ZNF804B: variants seen among roughly 807,000 people sequenced by gnomAD.
ZNF804B encodes the protein zinc finger 804B.
A neutral mutation model predicts 101.4 loss-of-function variants in ZNF804B; 80 were observed. The observed-to-expected ratio is 0.79, with a 90% confidence interval of 0.66 to 0.95. The LOEUF (loss-of-function observed/expected upper bound fraction) is 0.95. ZNF804B is among the 40% of genes least tolerant of loss of function. ZNF804B has a pLI of 0.00. For missense variants in ZNF804B, 1,673 were observed against 1,561.9 expected (o/e 1.07, Z -1.20); for synonymous variants, 622 against 558.8 (o/e 1.11, Z -1.59).
chr7:89,079,155 T>C (rs1001889903), intron 1 of ZNF804B, among the ~76,000 whole-genome samples: 4 of 152,172 alleles, frequency 2.6e-5, no homozygotes, highest in East Asian at 1.9e-4. Context: ...CCACAAAATA[T>C]AGAGGCACCA....
At chr7:89,021,551 C>G (rs1487942764) in intron 1 of ZNF804B, among the ~76,000 whole-genome samples, 1 of 152,168 alleles carries the variant, frequency 6.6e-6, no homozygotes, top group African/African-American at 2.4e-5. Flanking sequence ...GTTTGTCACA[C>G]TCTGGGCACA....
At chr7:88,881,994 A>G (rs1011207358) in intron 1 of ZNF804B, among the ~76,000 whole-genome samples, 1 of 152,178 alleles carries the variant, frequency 6.6e-6, no homozygotes, top group South Asian at 2.1e-4. Flanking sequence ...GCTAATATAG[A>G]CACTATTATT....
chr7:88,843,780 A>G (rs1019121166), intron 1 of ZNF804B, among the ~76,000 whole-genome samples: 1 of 151,984 alleles, frequency 6.6e-6, no homozygotes, highest in Non-Finnish European at 1.5e-5. Flanking sequence ...AATGAAGACA[A>G]TGTCAAACTT....
chr7:88,948,239 C>T (rs1793167253), intron 1 of ZNF804B, among the ~76,000 whole-genome samples: 1 of 150,942 alleles, frequency 6.6e-6, no homozygotes, highest in South Asian at 2.1e-4. Context: ...TCCTAAAAAA[C>T]CCTAGTTGTT....
chr7:89,087,601 T>A (rs1463286479), intron 1 of ZNF804B, among the ~76,000 whole-genome samples: 1 of 152,008 alleles, frequency 6.6e-6, no homozygotes, highest in African/African-American at 2.4e-5. Flanking sequence ...CAGAAAATCA[T>A]ATATTTGATT....
intron 1 of ZNF804B, among the ~76,000 whole-genome samples, chr7:88,838,672 C>G (rs965346399): frequency 5.3e-5 from 8 of 151,954 alleles, no homozygotes; most frequent in Admixed American, 5.3e-4. Flanking sequence ...GGGGCTCAGA[C>G]TTTCTTGATT....
Position 88,879,682 on chromosome 7 carries a change from G to A in ZNF804B, c.108+119598G>A, listed in dbSNP as rs1254769672. ...AGAGGTTTAAAAATCTTTCTGGACC[G>A]CACCCTGTGGAAATTCAATTTTTAA... On this transcript the variant is annotated intron_variant, in intron 1 of 3. Coordinates refer to ENST00000333190, the MANE Select transcript of ZNF804B (RefSeq NM_181646.5). Among the ~76,000 whole-genome samples the A allele has an allele frequency of 3.9e-5, 6 of 152,082 alleles. No individual in the cohort carries two copies. In the East Asian group the frequency reaches 9.7e-4, roughly 24 times the overall value.
At chr7:88,797,075 T>G (rs1790497597) in intron 1 of ZNF804B, among the ~76,000 whole-genome samples, 2 of 152,162 alleles carry the variant, frequency 1.3e-5, no homozygotes, top group African/African-American at 4.8e-5. Flanking sequence ...ATTATTTTCC[T>G]TATTAAACAT....
chr7:88,798,867 G>A lies in ZNF804B; in HGVS notation c.108+38783G>A, dbSNP rs117893114. On this transcript the variant is annotated intron_variant, in intron 1 of 3. Coordinates refer to ENST00000333190, the MANE Select transcript of ZNF804B (RefSeq NM_181646.5). ...GGCAAGTTATTTACCTTCAGATGGT[G>A]ACTCAAGAGAACTCTTCTATCTGTC... 6.7e-3 allele frequency among the ~76,000 whole-genome samples: 1,027 copies of A among 152,182 alleles called. 9 individuals carry two copies. Among genetic ancestry groups the A allele is most frequent in the Non-Finnish European group, 0.011 (769 of 67,968 alleles).
chr7:89,237,407 G>A (rs891094493), intron 2 of ZNF804B, among the ~76,000 whole-genome samples: 1 of 152,014 alleles, frequency 6.6e-6, no homozygotes, highest in Admixed American at 6.6e-5. Flanking sequence ...AGTTTCCTTA[G>A]GTGTGATCTA....
intron 1 of ZNF804B, among the ~76,000 whole-genome samples, chr7:88,983,173 C>T (rs962818625): frequency 4.6e-5 from 7 of 152,068 alleles, no homozygotes; most frequent in Admixed American, 2.0e-4. Context: ...CCTTACATTC[C>T]TGGAAGCTTG....
chr7:88,772,811 T>C (rs1284007949), intron 1 of ZNF804B, among the ~76,000 whole-genome samples: 2 of 152,182 alleles, frequency 1.3e-5, no homozygotes, highest in Non-Finnish European at 2.9e-5. Context: ...TTGCTTTATT[T>C]TTAAAGCTAT....
intron 1 of ZNF804B, among the ~76,000 whole-genome samples, chr7:89,097,620 A>G (rs1267094001): frequency 6.6e-6 from 1 of 152,214 alleles, no homozygotes; most frequent in Non-Finnish European, 1.5e-5. Context: ...CTATCAACTC[A>G]AATAAAACCT....
chr7:88,815,739 C>T (rs1405607278), intron 1 of ZNF804B, among the ~76,000 whole-genome samples: 3 of 152,080 alleles, frequency 2.0e-5, no homozygotes, highest in African/African-American at 7.2e-5. Flanking sequence ...CTCGGCTTTC[C>T]TCTTTTGCAT....
chr7:89,224,341 A>C (rs1187945982), intron 2 of ZNF804B, among the ~76,000 whole-genome samples: 1 of 152,028 alleles, frequency 6.6e-6, no homozygotes, highest in Non-Finnish European at 1.5e-5. Flanking sequence ...TTCATTGTTT[A>C]AAATACTGTT....
chr7:88,769,415 T>C (rs2519948), intron 1 of ZNF804B, among the ~76,000 whole-genome samples: 73,392 of 151,712 alleles, frequency 0.48, 20,974 homozygotes, highest in African/African-American at 0.78. Context: ...TTAGTGTCAC[T>C]TATCAATCCA....
chr7:89,017,524 T>G (rs1788588209), intron 1 of ZNF804B, among the ~76,000 whole-genome samples: 1 of 152,154 alleles, frequency 6.6e-6, no homozygotes, highest in African/African-American at 2.4e-5. Flanking sequence ...CACATGGAGT[T>G]GAGGATTATT....
At chr7:88,999,452 T>C (rs1788252128) in intron 1 of ZNF804B, among the ~76,000 whole-genome samples, 1 of 151,952 alleles carries the variant, frequency 6.6e-6, no homozygotes, top group Non-Finnish European at 1.5e-5. Flanking sequence ...GAGAAAAGTA[T>C]GAACAAGGGC....
At chr7:89,141,226 T>A (rs1584011146) in intron 1 of ZNF804B, among the ~76,000 whole-genome samples, 1 of 152,116 alleles carries the variant, frequency 6.6e-6, no homozygotes. Context: ...ATAACAAATA[T>A]AATAATAATT....
Sources: gnomAD v4.1 joint callset for allele counts (sites outside exome capture counted in the v4.1 genomes callset) on GRCh38, gnomAD v4.1.1 for gene constraint, MANE v1.5 for transcripts, NCBI Gene and HGNC (gene_info 2026-07-23, HGNC 2026-07-21) for gene names.